Variants in BCO1 observed in about 807,000 individuals in gnomAD.
BCO1 encodes the protein beta-carotene oxygenase 1, also known as beta,beta-carotene 15,15'-dioxygenase.
In BCO1, 54 loss-of-function variants were observed where a neutral mutation model predicts 56.3. The ratio of observed to expected loss-of-function variants is 0.96; its 90% CI spans 0.77 to 1.20. The LOEUF (loss-of-function observed/expected upper bound fraction) is 1.20, where lower values mean the gene tolerates loss of function less well. Among genes scored for constraint, BCO1 ranks in the 50% most tolerant of loss-of-function variants. The pLI, the probability that BCO1 is intolerant of heterozygous loss-of-function variation, is 0.00. For synonymous variants in BCO1, 318 were observed against 266.1 expected, an observed-to-expected ratio of 1.20 and a Z score of -1.90; for missense variants, 801 against 690.9, an observed-to-expected ratio of 1.16 and a Z score of -1.79.
rs1246883176 is a variant in BCO1 at position 81,290,840 on chromosome 16, AACAAAAAG to A, written c.*266_*273del. On this transcript the variant is annotated 3_prime_UTR_variant, in exon 11 of 11. Transcript: ENST00000258168. ...CCTTCTAAGAAACCTCCTTTCCTTTAACAAAAAGACCTTGACCATGAATCAGAGATTGT... is the reference window on the plus strand; with the variant it reads ...CCTTCTAAGAAACCTCCTTTCCTTTAACCTTGACCATGAATCAGAGATTGT... The A allele has an allele frequency of 2.5e-6, 1 of 404,620 alleles. No homozygotes were observed. The highest frequency in any genetic ancestry group is 4.4e-6 in the Non-Finnish European group (1 of 225,924). The allele number at this position is 404,620 out of a possible 1,614,324, so 25.1% of individuals were successfully genotyped here.
chr16:81,283,126 A>T (rs1056883678), intron 8 of BCO1, among the ~76,000 whole-genome samples: 1 of 152,068 alleles, frequency 6.6e-6, no homozygotes, highest in Non-Finnish European at 1.5e-5. Context: ...ATTCCATATC[A>T]TCTAGAATGT....
chr16:81,247,519 T>C (rs1391467037), intron 2 of BCO1, among the ~76,000 whole-genome samples: 2 of 152,102 alleles, frequency 1.3e-5, no homozygotes, highest in East Asian at 3.9e-4. Flanking sequence ...TTTTATTTTT[T>C]ATTTTTATTT....
intron 3 of BCO1, chr16:81,261,847 T>C: frequency 2.7e-6 from 1 of 373,326 alleles, no homozygotes; most frequent in Middle Eastern, 9.1e-4. Context: ...GTTCACGCCA[T>C]TCTCCTGCCT....
rs77592751 is a variant in BCO1, at chr16:81,261,523, T to C, written c.324-613T>C. Reference sequence around the variant, plus strand: ...GTTCATATACGATTTCCGTAGAGCTTCTTGACATACTTTGGAACAGTATGT... The same window carrying C: ...GTTCATATACGATTTCCGTAGAGCTCCTTGACATACTTTGGAACAGTATGT... On this transcript the variant is annotated intron_variant, in intron 3 of 10. Transcript: ENST00000258168. 4.9e-3 allele frequency among the ~76,000 whole-genome samples: 745 copies of C among 152,308 alleles called. 8 individuals are homozygous for C. The highest frequency in any genetic ancestry group is 0.017 in the African/African-American group (715 of 41,552).
At chr16:81,285,511 G>C (rs1168303028) in intron 8 of BCO1, 29 bp from the exon 9 acceptor site, 1 of 1,529,492 alleles carries the variant, frequency 6.5e-7, no homozygotes, top group Non-Finnish European at 9.1e-7. Flanking sequence ...AATGATAGGG[G>C]CTTCATCCAC....
At chr16:81,272,200 G>A (rs192713206) in intron 7 of BCO1, among the ~76,000 whole-genome samples, 458 of 144,152 alleles carry the variant, frequency 3.2e-3, no homozygotes, top group Non-Finnish European at 5.4e-3. Context: ...TGCAAGCTCC[G>A]CCTCCCAGGT....
At chr16:81,283,184 C>T (rs1004857217) in intron 8 of BCO1, among the ~76,000 whole-genome samples, 1 of 152,084 alleles carries the variant, frequency 6.6e-6, no homozygotes, top group Non-Finnish European at 1.5e-5. Context: ...AGTATTTTCC[C>T]ACATCCTGAA....
intron 7 of BCO1, among the ~76,000 whole-genome samples, chr16:81,276,336 G>T (rs1232316445): frequency 1.3e-5 from 2 of 152,200 alleles, no homozygotes; most frequent in South Asian, 4.1e-4. Context: ...ACCCAGAGGG[G>T]TGCTTCCACC....
chr16:81,238,741 A>T lies in BCO1; in HGVS notation c.-168A>T, dbSNP rs542379886. The T allele has an allele frequency of 1.4e-6, 1 of 701,408 alleles. No individual in the cohort carries two copies. Among genetic ancestry groups the T allele is most frequent in the African/African-American group, 1.8e-5 (1 of 56,350 alleles). 43.4% of individuals were successfully genotyped at this position (701,408 alleles called of 1,614,324 possible). A position where few individuals can be genotyped will look rare whatever the true frequency, so the allele number is the denominator to read the frequency against. On this transcript the variant is annotated 5_prime_UTR_variant, in exon 1 of 11. Coordinates refer to ENST00000258168, the MANE Select transcript of BCO1 (RefSeq NM_017429.3). ...GGAGAGGGACAAGTGAGAGCCAGCC[A>T]AAAAGGAAAAAGCAAAGGCAGAAAC... is the stretch of plus-strand genomic sequence containing the variant.
chr16:81,239,070 C>A, intron 1 of BCO1, 98 bp downstream of exon 1: 3 of 1,089,682 alleles, frequency 2.8e-6, no homozygotes, highest in South Asian at 1.5e-5. Flanking sequence ...GGGCTGGAGT[C>A]CAGTGGCTTG....
chr16:81,240,189 G>A (rs1452403414), intron 1 of BCO1, among the ~76,000 whole-genome samples: 1 of 151,882 alleles, frequency 6.6e-6, no homozygotes, highest in Non-Finnish European at 1.5e-5. Flanking sequence ...TTAATTAGGA[G>A]TGCAAATGAG....
intron 8 of BCO1, among the ~76,000 whole-genome samples, chr16:81,281,634 G>C (rs1907887274): frequency 6.6e-6 from 1 of 152,232 alleles, no homozygotes. Flanking sequence ...AAGAAAACTA[G>C]GCCTGGGAGT....
intron 7 of BCO1, among the ~76,000 whole-genome samples, chr16:81,273,582 G>A (rs9934368): frequency 0.99 from 149,846 of 151,976 alleles, 73,901 homozygotes; most frequent in East Asian, 1. Flanking sequence ...CCATTTGTGT[G>A]TCTCTGCCAT....
chr16:81,243,191 G>T (rs984442310), intron 1 of BCO1, among the ~76,000 whole-genome samples: 2 of 152,116 alleles, frequency 1.3e-5, no homozygotes, highest in Admixed American at 6.5e-5. Flanking sequence ...GAATACACTA[G>T]AACCCCCTGA....
chr16:81,272,740 G>A (rs1052658348), intron 7 of BCO1, among the ~76,000 whole-genome samples: 5 of 152,192 alleles, frequency 3.3e-5, no homozygotes, highest in African/African-American at 1.2e-4. Flanking sequence ...AAATGTTGAT[G>A]GCTTACATTG....
In BCO1 at chr16:81,270,388, G is replaced by A. The variant is rs746947911; in HGVS notation, c.1073G>A (p.Arg358Lys). The change falls in exon 7 of 11, where the codon AGG becomes AAG. Residue 358 changes from arginine to lysine, a missense_variant. Arg to Lys is a conservative substitution (Grantham distance 26, BLOSUM62 2). Coordinates refer to ENST00000258168, the MANE Select transcript of BCO1 (RefSeq NM_017429.3). ...SRLTSVPTLR[R>K]FAVPLHVDKN... ...CTCACCTCGGTCCCCACCCTCAGGA[G>A]GTTTGCCGTGCCCCTCCACGTGGAC... is the stretch of plus-strand genomic sequence containing the variant. 1.9e-6 allele frequency: 3 copies of A among 1,614,082 alleles called. No individual in the cohort carries two copies. The highest frequency in any genetic ancestry group is 3.3e-5 in the Admixed American group (2 of 59,996).
chr16:81,242,024 G>T (rs1053747295), intron 1 of BCO1, among the ~76,000 whole-genome samples: 1 of 151,984 alleles, frequency 6.6e-6, no homozygotes, highest in African/African-American at 2.4e-5. Context: ...GAACACAGTG[G>T]CTGGTGTATG....
At chr16:81,244,717 C>T (rs1220785867) in intron 1 of BCO1, among the ~76,000 whole-genome samples, 1 of 129,220 alleles carries the variant, frequency 7.7e-6, no homozygotes, top group Non-Finnish European at 1.6e-5. Context: ...TTGCCCCTAT[C>T]TTTTTTTTTT....
At chr16:81,283,027 CA>C (rs1300989420) in intron 8 of BCO1, among the ~76,000 whole-genome samples, 1 of 152,186 alleles carries the variant, frequency 6.6e-6, no homozygotes, top group East Asian at 1.9e-4. Flanking sequence ...CAAAACTTGC[CA>C]AAAGGCAGGC....
Sources: allele counts gnomAD v4.1 joint callset (sites outside exome capture counted in the v4.1 genomes callset), GRCh38; gene constraint gnomAD v4.1.1; transcripts MANE v1.5; gene names NCBI Gene and HGNC (gene_info 2026-07-23, HGNC 2026-07-21).